The following GRM7 variants were observed in gnomAD, a reference collection of about 807,000 sequenced individuals.
GRM7 encodes the protein metabotropic glutamate receptor 7.
A neutral mutation model predicts 84.5 loss-of-function variants in GRM7; 35 were observed. That is an observed-to-expected ratio of 0.41 (90% CI 0.32 to 0.55). The LOEUF is 0.55. GRM7 is among the 20% of genes least tolerant of loss of function. The pLI, the probability that GRM7 is intolerant of heterozygous loss-of-function variation, is 0.19. For missense variants in GRM7, 1,003 were observed against 1,194.6 expected (o/e 0.84, Z 2.36); for synonymous variants, 487 against 455.1 (o/e 1.07, Z -0.89).
intron 4 of GRM7, among the ~76,000 whole-genome samples, chr3:7,392,525 C>T (rs537468225): frequency 2.0e-5 from 3 of 152,178 alleles, no homozygotes; most frequent in African/African-American, 7.2e-5. Flanking sequence ...CAGCTGTGGG[C>T]TTGTGACCAG....
intron 1 of GRM7, among the ~76,000 whole-genome samples, chr3:7,095,221 T>A (rs1312143452): frequency 6.6e-6 from 1 of 152,136 alleles, no homozygotes; most frequent in Non-Finnish European, 1.5e-5. Flanking sequence ...GAAAAGAAGG[T>A]AAATAGCTTT....
chr3:6,950,241 A>T (rs1028333165), intron 1 of GRM7, among the ~76,000 whole-genome samples: 1 of 152,042 alleles, frequency 6.6e-6, no homozygotes, highest in Non-Finnish European at 1.5e-5. Flanking sequence ...TTTGGTGTAG[A>T]TGTCCTTTCT....
At chr3:7,035,823 A>T (rs1240432) in intron 1 of GRM7, among the ~76,000 whole-genome samples, 2 of 152,184 alleles carry the variant, frequency 1.3e-5, no homozygotes, top group Non-Finnish European at 2.9e-5. Flanking sequence ...CTCAGCCCCC[A>T]TGTCTTAGAA....
At chr3:6,921,054 G>T (rs1240407227) in intron 1 of GRM7, among the ~76,000 whole-genome samples, 1 of 152,180 alleles carries the variant, frequency 6.6e-6, no homozygotes, top group Non-Finnish European at 1.5e-5. Context: ...GTGTGAAAAT[G>T]ACTTCTGAAG....
chr3:6,907,454 G>A (rs1490049672), intron 1 of GRM7, among the ~76,000 whole-genome samples: 1 of 152,162 alleles, frequency 6.6e-6, no homozygotes. Context: ...GCAAGAAGCG[G>A]TGCTTTAACA....
At chr3:7,569,373 C>T (rs536301095) in intron 7 of GRM7, among the ~76,000 whole-genome samples, 51 of 152,116 alleles carry the variant, frequency 3.4e-4, no homozygotes, top group Non-Finnish European at 4.4e-4. Context: ...CCTTTGTGTC[C>T]ACACTCTGTA....
At chr3:7,661,218 C>T (rs767473246) in intron 8 of GRM7, among the ~76,000 whole-genome samples, 2 of 152,060 alleles carry the variant, frequency 1.3e-5, no homozygotes, top group Non-Finnish European at 2.9e-5. Flanking sequence ...TGATAAAGGG[C>T]CTATATTTGA....
intron 1 of GRM7, among the ~76,000 whole-genome samples, chr3:6,936,883 A>C (rs1697712980): frequency 6.6e-6 from 1 of 152,220 alleles, no homozygotes; most frequent in South Asian, 2.1e-4. Context: ...AACAATGCTC[A>C]GGTGTTCACC....
intron 1 of GRM7, among the ~76,000 whole-genome samples, chr3:7,033,254 C>T (rs1696252338): frequency 6.6e-6 from 1 of 152,034 alleles, no homozygotes; most frequent in Non-Finnish European, 1.5e-5. Flanking sequence ...TCTAGTATAA[C>T]CTCATCATAA....
intron 2 of GRM7, among the ~76,000 whole-genome samples, chr3:7,146,988 G>A (rs1301680440): frequency 2.6e-5 from 4 of 152,164 alleles, no homozygotes; most frequent in African/African-American, 7.2e-5. Context: ...GTGGCTGGAT[G>A]TACCTCCCCA....
intron 2 of GRM7, among the ~76,000 whole-genome samples, chr3:7,163,667 G>A (rs1156375011): frequency 6.6e-6 from 1 of 152,164 alleles, no homozygotes; most frequent in Non-Finnish European, 1.5e-5. Context: ...ACCTCTTTGA[G>A]GAGGGGATAT....
At chr3:7,250,833 T>C (rs993120146) in intron 2 of GRM7, among the ~76,000 whole-genome samples, 1 of 152,184 alleles carries the variant, frequency 6.6e-6, no homozygotes, top group Non-Finnish European at 1.5e-5. Flanking sequence ...CAATATTATA[T>C]ATATTTTTTA....
intron 2 of GRM7, among the ~76,000 whole-genome samples, chr3:7,167,505 G>A (rs1443974320): frequency 6.6e-6 from 1 of 152,170 alleles, no homozygotes; most frequent in Non-Finnish European, 1.5e-5. Context: ...TTAAAAGGGT[G>A]TTGGCCTGTG....
At chr3:7,027,546 A>G (rs748164754) in intron 1 of GRM7, among the ~76,000 whole-genome samples, 3 of 151,540 alleles carry the variant, frequency 2.0e-5, no homozygotes, top group African/African-American at 4.8e-5. Flanking sequence ...ATTTGCCTTT[A>G]CCTTTTTTGT....
At chr3:7,296,579 T>C (rs1166478200) in intron 2 of GRM7, among the ~76,000 whole-genome samples, 3 of 152,154 alleles carry the variant, frequency 2.0e-5, no homozygotes, top group African/African-American at 7.2e-5. Context: ...CTATTCAGAT[T>C]ACTATGCATT....
At chr3:7,110,077 A>G (rs957747524) in intron 1 of GRM7, among the ~76,000 whole-genome samples, 1 of 152,140 alleles carries the variant, frequency 6.6e-6, no homozygotes, top group Admixed American at 6.6e-5. Context: ...ATTTTGCCTC[A>G]AAATACAATT....
intron 9 of GRM7, among the ~76,000 whole-genome samples, chr3:7,733,302 A>T (rs74400149): frequency 0.055 from 8,386 of 152,284 alleles, 273 homozygotes; most frequent in Non-Finnish European, 0.067. Context: ...GAATTTATTA[A>T]GCGAAAGGAA....
At chr3:7,716,936 A>G (rs906307074) in intron 9 of GRM7, among the ~76,000 whole-genome samples, 2 of 152,178 alleles carry the variant, frequency 1.3e-5, no homozygotes, top group Admixed American at 6.6e-5. Flanking sequence ...TCAAAAATAT[A>G]TCACTGTACT....
chr3:7,271,432 G>A (rs1307683927), intron 2 of GRM7, among the ~76,000 whole-genome samples: 2 of 151,734 alleles, frequency 1.3e-5, no homozygotes, highest in Non-Finnish European at 2.9e-5. Context: ...GGTGGCGGGC[G>A]CCTGTAGTCC....
Sources: gnomAD v4.1 joint callset for allele counts (sites outside exome capture counted in the v4.1 genomes callset) on GRCh38, gnomAD v4.1.1 for gene constraint, MANE v1.5 for transcripts, NCBI Gene and HGNC (gene_info 2026-07-23, HGNC 2026-07-21) for gene names.